Variants in TPPP observed in about 807,000 individuals in gnomAD.
TPPP encodes the protein tubulin polymerization-promoting protein.
TPPP carries 6 observed loss-of-function variants against 15.5 expected under a neutral mutation model. That is an observed-to-expected ratio of 0.39 (90% CI 0.21 to 0.77). The LOEUF (loss-of-function observed/expected upper bound fraction) is 0.77, where lower values mean the gene tolerates loss of function less well. TPPP is among the 30% of genes least tolerant of loss of function. The probability of loss-of-function intolerance (pLI) is 0.42; values close to 1 mark genes in which losing one functional copy is unlikely to be tolerated. For missense variants in TPPP, 269 were observed against 307.2 expected (o/e 0.88, Z 0.93); for synonymous variants, 146 against 133.9 (o/e 1.09, Z -0.63).
intron 2 of TPPP, chr5:666,914 A>G (rs964494582): frequency 1.3e-5 from 2 of 151,980 alleles, no homozygotes; most frequent in African/African-American, 2.4e-5. Context: ...AAAACAAGAG[A>G]TCCTGTGGAT....
At chr5:687,343 CT>C (rs1347236450) in intron 1 of TPPP, among the ~76,000 whole-genome samples, 17 of 129,336 alleles carry the variant, frequency 1.3e-4, no homozygotes, top group Non-Finnish European at 2.8e-4. Flanking sequence ...GGAACAAAGT[CT>C]TTGAGGCCCT....
At position 663,254 on chromosome 5, in the gene TPPP, T is replaced by A. The variant is rs1414079890; in HGVS notation, c.*1848A>T. The A allele has an allele frequency of 6.6e-6, 1 of 152,448 alleles. No individual in the cohort carries two copies. The highest frequency in any genetic ancestry group is 1.5e-5 in the Non-Finnish European group (1 of 68,084). 9.4% of individuals were successfully genotyped at this position (152,448 alleles called of 1,614,324 possible). A position where few individuals can be genotyped will look rare whatever the true frequency, so the allele number is the denominator to read the frequency against. On this transcript the variant is annotated 3_prime_UTR_variant, in exon 4 of 4. Coordinates refer to ENST00000360578, the MANE Select transcript of TPPP (RefSeq NM_007030.3). ...CCGCACATTCAGAGTTGTTTTCAAATGTTTCCGCACGTTAGTTCTGCCTTT... is the reference window on the plus strand; with the variant it reads ...CCGCACATTCAGAGTTGTTTTCAAAAGTTTCCGCACGTTAGTTCTGCCTTT...
At chr5:685,735 C>T (rs1298879502) in intron 1 of TPPP, among the ~76,000 whole-genome samples, 1 of 152,216 alleles carries the variant, frequency 6.6e-6, no homozygotes, top group Non-Finnish European at 1.5e-5. Context: ...CCTTGCAGCG[C>T]CCAGCGTGGC....
intron 1 of TPPP, among the ~76,000 whole-genome samples, chr5:688,339 G>A (rs1250632641): frequency 6.2e-5 from 9 of 145,460 alleles, no homozygotes; most frequent in South Asian, 2.3e-4. Flanking sequence ...GAGTGTGGGC[G>A]GCGCTGAGCA....
At chr5:681,632 G>T (rs1280318574) in intron 1 of TPPP, among the ~76,000 whole-genome samples, 1 of 152,180 alleles carries the variant, frequency 6.6e-6, no homozygotes, top group African/African-American at 2.4e-5. Context: ...CCACAAGTGG[G>T]GCCTGGCCAG....
intron 2 of TPPP, among the ~76,000 whole-genome samples, chr5:670,235 A>G (rs916604638): frequency 6.6e-6 from 1 of 152,096 alleles, no homozygotes; most frequent in Non-Finnish European, 1.5e-5. Context: ...GGGACTGTGC[A>G]TCCAGCACCC....
At chr5:674,907 C>G (rs1377514917) in intron 2 of TPPP, among the ~76,000 whole-genome samples, 1 of 150,410 alleles carries the variant, frequency 6.6e-6, no homozygotes, top group Non-Finnish European at 1.5e-5. Flanking sequence ...AAGGCCTGTA[C>G]TGCAGAGTCA....
chr5:693,503 C>G (rs1213418097), upstream of TPPP: 2 of 56,186 alleles, frequency 3.6e-5, no homozygotes, highest in African/African-American at 1.9e-4. Flanking sequence ...GCCGCCCCAC[C>G]CGGCCCGGGG....
Position 665,548 on chromosome 5 carries a change from C to T in TPPP, c.466-252G>A, listed in dbSNP as rs1324766956. On this transcript the variant is annotated intron_variant, in intron 3 of 3. Transcript: ENST00000360578. Reference sequence around the variant, plus strand: ...GTGTTTATGTAGTTGGGGACCCCACCACCTGCACCCTCAGAGGGAAGGGGC... The same window carrying T: ...GTGTTTATGTAGTTGGGGACCCCACTACCTGCACCCTCAGAGGGAAGGGGC... Among the ~76,000 whole-genome samples the T allele has an allele frequency of 2.6e-5, 4 of 152,030 alleles. No individual in the cohort carries two copies. The East Asian group carries it at 7.7e-4, about 29-fold the overall frequency.
chr5:697,046 ATGTG>A (rs1192409606), upstream of TPPP, among the ~76,000 whole-genome samples: 5 of 87,258 alleles, frequency 5.7e-5, no homozygotes, highest in African/African-American at 2.4e-4. Context: ...CTTTGTGTGC[ATGTG>A]TGTGTGTTTG....
At chr5:688,592 G>A (rs1176037113) in intron 1 of TPPP, among the ~76,000 whole-genome samples, 2 of 151,922 alleles carry the variant, frequency 1.3e-5, no homozygotes, top group Non-Finnish European at 2.9e-5. Flanking sequence ...TAGAACTGCA[G>A]GTGGACTGTG....
Position 678,010 on chromosome 5 carries a change from C to A in TPPP, c.51G>T (p.Lys17Asn). 6.2e-7 allele frequency: 1 copy of A among 1,601,828 alleles called. No individual in the cohort carries two copies. The highest frequency in any genetic ancestry group is 8.5e-7 in the Non-Finnish European group (1 of 1,174,700). The change falls in exon 2 of 4, where the codon AAG becomes AAT. Residue 17 changes from lysine to asparagine, a missense_variant. Coordinates refer to ENST00000360578, the MANE Select transcript of TPPP (RefSeq NM_007030.3). Reference sequence around the variant, plus strand: ...GGTCCTTCGAGGGGTCCCCCGGGGACTTGGGGGGCGTCCTGTTGGCAGCTT... The same window carrying A: ...GGTCCTTCGAGGGGTCCCCCGGGGAATTGGGGGGCGTCCTGTTGGCAGCTT... ...PAKAANRTPP[K>N]SPGDPSKDRA...
chr5:685,648 G>T (rs1250539940), intron 1 of TPPP, among the ~76,000 whole-genome samples: 1 of 152,212 alleles, frequency 6.6e-6, no homozygotes. Flanking sequence ...AGCTTCTCGG[G>T]TCAACAGGGT....
intron 1 of TPPP, among the ~76,000 whole-genome samples, chr5:678,523 G>A (rs1740527412): frequency 1.4e-5 from 2 of 143,220 alleles, no homozygotes; most frequent in South Asian, 2.1e-4. Flanking sequence ...ACTCCCCAGG[G>A]TCTGTGACGT....
chr5:692,470 G>GGC, intron 1 of TPPP: 4 of 825,108 alleles, frequency 4.8e-6, no homozygotes, highest in Non-Finnish European at 5.6e-6. Context: ...CAAAACAGCA[G>GGC]CCCCCCAAAC....
rs778375264 is a variant in TPPP at position 665,072 on chromosome 5, C to CA, written c.*29_*30insT. The CA allele has an allele frequency of 1.4e-5, 23 of 1,596,688 alleles. No individual in the cohort carries two copies. The Admixed American group carries it at 3.9e-4, about 27-fold the overall frequency. On this transcript the variant is annotated 3_prime_UTR_variant, in exon 4 of 4. Transcript: ENST00000360578. ...TGACAGAGTCCCTGCTCTGGGGACA[C>CA]CGGCAGTGCCGCGAGGCATGGAGCG...
rs888522317 is a variant in TPPP, at chr5:661,349, G to A, written c.*3753C>T. The A allele has an allele frequency of 6.7e-6, 1 of 148,274 alleles. No individual in the cohort carries two copies. Among genetic ancestry groups the A allele is most frequent in the Non-Finnish European group, 1.5e-5 (1 of 67,820 alleles). The allele number at this position is 148,274 out of a possible 1,614,324, so 9.2% of individuals were successfully genotyped here. A position where few individuals can be genotyped will look rare whatever the true frequency, so the allele number is the denominator to read the frequency against. ...ACAGAACCTGTCCCTCTCTCCTGGT[G>A]TCACCCATGATAGAACCTGTCCCTG... On this transcript the variant is annotated 3_prime_UTR_variant, in exon 4 of 4. Coordinates refer to ENST00000360578, the MANE Select transcript of TPPP (RefSeq NM_007030.3).
intron 1 of TPPP, chr5:692,698 C>T: frequency 1.0e-6 from 1 of 981,998 alleles, no homozygotes; most frequent in South Asian, 4.7e-5. Context: ...GTAGCCAAGA[C>T]CCGGGGCAGC....
At chr5:672,691 A>C (rs777587970) in intron 2 of TPPP, among the ~76,000 whole-genome samples, 4 of 152,156 alleles carry the variant, frequency 2.6e-5, no homozygotes, top group Non-Finnish European at 5.9e-5. Flanking sequence ...AGGCGCTGGG[A>C]GATTCGCTGT....
Sources: allele counts gnomAD v4.1 joint callset (sites outside exome capture counted in the v4.1 genomes callset), GRCh38; gene constraint gnomAD v4.1.1; transcripts MANE v1.5; gene names NCBI Gene and HGNC (gene_info 2026-07-23, HGNC 2026-07-21).